Variants in GRIA4 observed in about 807,000 individuals in gnomAD.
GRIA4 encodes glutamate ionotropic receptor AMPA type subunit 4.
A neutral mutation model predicts 104.0 loss-of-function variants in GRIA4; 34 were observed. The ratio of observed to expected loss-of-function variants is 0.33; its 90% CI spans 0.25 to 0.44. The LOEUF (loss-of-function observed/expected upper bound fraction) is 0.44. Among genes scored for constraint, GRIA4 ranks in the 20% least tolerant of loss-of-function variants. The pLI is 1.00. For synonymous variants in GRIA4, 386 were observed against 381.9 expected (o/e 1.01, Z -0.13); for missense variants, 750 against 1,096.5 (o/e 0.68, Z 4.46).
chr11:105,944,794 T>A (rs1338124845), intron 14 of GRIA4, among the ~76,000 whole-genome samples: 1 of 152,050 alleles, frequency 6.6e-6, no homozygotes, highest in Non-Finnish European at 1.5e-5. Flanking sequence ...CCTCTCACTA[T>A]GTTGCCTTGT....
At chr11:105,701,965 C>T (rs1404369049) in intron 3 of GRIA4, among the ~76,000 whole-genome samples, 1 of 152,114 alleles carries the variant, frequency 6.6e-6, no homozygotes, top group Non-Finnish European at 1.5e-5. Flanking sequence ...GGCAGGATCT[C>T]ACTCTATCTC....
At chr11:105,685,332 T>G (rs1207741873) in intron 3 of GRIA4, among the ~76,000 whole-genome samples, 1 of 152,194 alleles carries the variant, frequency 6.6e-6, no homozygotes, top group African/African-American at 2.4e-5. Context: ...GCCCGAGCTC[T>G]AATTTTCAAA....
At chr11:105,734,652 A>G (rs577670370) in intron 3 of GRIA4, among the ~76,000 whole-genome samples, 7 of 152,144 alleles carry the variant, frequency 4.6e-5, no homozygotes, top group African/African-American at 1.7e-4. Flanking sequence ...CTTATCACTC[A>G]CCACTTCCCC....
chr11:105,651,744 T>C (rs1951692359), intron 3 of GRIA4, among the ~76,000 whole-genome samples: 1 of 151,950 alleles, frequency 6.6e-6, no homozygotes, highest in East Asian at 1.9e-4. Flanking sequence ...GCTCAATATA[T>C]AGTAACATTT....
intron 3 of GRIA4, among the ~76,000 whole-genome samples, chr11:105,717,790 T>C (rs1030227163): frequency 6.6e-6 from 1 of 151,592 alleles, no homozygotes. Context: ...TATACATGTG[T>C]CATGCTGGTG....
intron 3 of GRIA4, among the ~76,000 whole-genome samples, chr11:105,637,886 C>G (rs951512080): frequency 6.6e-6 from 1 of 152,060 alleles, no homozygotes; most frequent in Non-Finnish European, 1.5e-5. Context: ...GGCTTATCAC[C>G]GATGAAAAAC....
At chr11:105,888,528 C>T (rs1456916936) in intron 6 of GRIA4, among the ~76,000 whole-genome samples, 4 of 151,676 alleles carry the variant, frequency 2.6e-5, no homozygotes, top group Non-Finnish European at 1.5e-5. Flanking sequence ...CCTCGTGATC[C>T]GCCCGCCTCG....
intron 3 of GRIA4, among the ~76,000 whole-genome samples, chr11:105,637,803 T>C (rs1325647043): frequency 1.3e-5 from 2 of 152,094 alleles, no homozygotes; most frequent in East Asian, 3.8e-4. Flanking sequence ...AACAAGTAGG[T>C]AAGAGAAAAT....
At chr11:105,777,619 T>C (rs1941507370) in intron 4 of GRIA4, among the ~76,000 whole-genome samples, 1 of 152,156 alleles carries the variant, frequency 6.6e-6, no homozygotes, top group East Asian at 1.9e-4. Context: ...CAATATATCT[T>C]TTCTATAAAA....
chr11:105,947,514 T>C (rs1948346289), intron 14 of GRIA4, among the ~76,000 whole-genome samples: 1 of 152,182 alleles, frequency 6.6e-6, no homozygotes, highest in Non-Finnish European at 1.5e-5. Context: ...AGGGAAACAA[T>C]TGGTGGGAGT....
At chr11:105,657,812 T>A (rs1402555344) in intron 3 of GRIA4, among the ~76,000 whole-genome samples, 1 of 151,972 alleles carries the variant, frequency 6.6e-6, no homozygotes, top group Non-Finnish European at 1.5e-5. Context: ...GGAACTCATG[T>A]AATATAAAAA....
At chr11:105,897,414 G>A (rs1946689143) in intron 6 of GRIA4, among the ~76,000 whole-genome samples, 1 of 151,802 alleles carries the variant, frequency 6.6e-6, no homozygotes, top group South Asian at 2.1e-4. Flanking sequence ...TCTCTTTTCT[G>A]ATTTTTCTGG....
chr11:105,663,109 G>A (rs1023688112), intron 3 of GRIA4, among the ~76,000 whole-genome samples: 2 of 151,652 alleles, frequency 1.3e-5, no homozygotes, highest in African/African-American at 2.4e-5. Context: ...AAAATAAAAT[G>A]TTTTAAAAAG....
At chr11:105,785,546 C>A (rs1941923425) in intron 4 of GRIA4, among the ~76,000 whole-genome samples, 1 of 152,130 alleles carries the variant, frequency 6.6e-6, no homozygotes, top group Admixed American at 6.5e-5. Flanking sequence ...GAAGCATGAA[C>A]CAGGCAGATG....
intron 4 of GRIA4, among the ~76,000 whole-genome samples, chr11:105,841,976 T>G (rs1565279506): frequency 6.6e-6 from 1 of 152,144 alleles, no homozygotes. Context: ...ATTGGGGGTA[T>G]AAGTGGGGTG....
At chr11:105,689,412 G>T (rs1009644529) in intron 3 of GRIA4, among the ~76,000 whole-genome samples, 3 of 152,128 alleles carry the variant, frequency 2.0e-5, no homozygotes, top group Non-Finnish European at 4.4e-5. Context: ...GATGAGTTGT[G>T]TACGTTTTTT....
At chr11:105,745,787 T>C (rs995941244) in intron 3 of GRIA4, among the ~76,000 whole-genome samples, 1 of 152,194 alleles carries the variant, frequency 6.6e-6, no homozygotes, top group Non-Finnish European at 1.5e-5. Flanking sequence ...GTTCAGTCTA[T>C]ATTAAGACTT....
intron 4 of GRIA4, 80 bp from the exon 5 acceptor site, chr11:105,861,944 T>C: frequency 9.9e-6 from 8 of 806,522 alleles, no homozygotes; most frequent in Non-Finnish European, 1.5e-5. Flanking sequence ...CATAACAGTG[T>C]TGATATAGGC....
intron 3 of GRIA4, among the ~76,000 whole-genome samples, chr11:105,631,010 A>T (rs1951022382): frequency 6.6e-6 from 1 of 152,186 alleles, no homozygotes; most frequent in South Asian, 2.1e-4. Flanking sequence ...ATTCTCGTCT[A>T]AACCCCAAAG....
Sources: allele counts gnomAD v4.1 joint callset (sites outside exome capture counted in the v4.1 genomes callset), GRCh38; gene constraint gnomAD v4.1.1; transcripts MANE v1.5; gene names NCBI Gene and HGNC (gene_info 2026-07-23, HGNC 2026-07-21).